Variants in SPOPL observed in about 807,000 individuals in gnomAD.
SPOPL encodes speckle-type POZ protein-like.
In SPOPL, 23 loss-of-function variants were observed where a neutral mutation model predicts 53.8. The ratio of observed to expected loss-of-function variants is 0.43; its 90% CI spans 0.31 to 0.61. The LOEUF (loss-of-function observed/expected upper bound fraction) is 0.61, where lower values mean the gene tolerates loss of function less well. SPOPL is among the 20% of genes least tolerant of loss of function. The pLI, the probability that SPOPL is intolerant of heterozygous loss-of-function variation, is 0.12. For missense variants in SPOPL, 442 were observed against 466.9 expected (o/e 0.95, Z 0.49); for synonymous variants, 164 against 149.7 (o/e 1.10, Z -0.70).
intron 5 of SPOPL, among the ~76,000 whole-genome samples, chr2:138,555,483 A>G (rs907975003): frequency 7.9e-5 from 12 of 152,112 alleles, no homozygotes; most frequent in Non-Finnish European, 1.5e-4. Context: ...AATGACACCA[A>G]TCTATGAAAA....
intron 5 of SPOPL, 22 bp from the exon 6 acceptor site, chr2:138,559,000 C>T: frequency 6.5e-7 from 1 of 1,542,928 alleles, no homozygotes. Context: ...AAGTGTTTTT[C>T]TTGCTGTCCC....
At chr2:138,526,421 A>G (rs1573878630) in intron 1 of SPOPL, among the ~76,000 whole-genome samples, 1 of 152,302 alleles carries the variant, frequency 6.6e-6, no homozygotes, top group East Asian at 1.9e-4. Context: ...TGTAAAAGGC[A>G]CACAAAATAA....
chr2:138,508,971 C>G (rs1193155570), intron 1 of SPOPL, among the ~76,000 whole-genome samples: 3 of 151,036 alleles, frequency 2.0e-5, no homozygotes, highest in Non-Finnish European at 2.9e-5. Flanking sequence ...ATTCTTTATA[C>G]CTGCTTATAT....
At chr2:138,541,386 G>C (rs1240189618) in intron 1 of SPOPL, among the ~76,000 whole-genome samples, 2 of 152,054 alleles carry the variant, frequency 1.3e-5, no homozygotes, top group Non-Finnish European at 2.9e-5. Flanking sequence ...ACTTTTTTTG[G>C]TTGGTAAGCT....
chr2:138,536,178 C>A (rs910769957), intron 1 of SPOPL, among the ~76,000 whole-genome samples: 4 of 152,092 alleles, frequency 2.6e-5, no homozygotes, highest in African/African-American at 9.7e-5. Flanking sequence ...GCATATGGGT[C>A]ATACTTTCTG....
At chr2:138,523,613 G>A (rs906783313) in intron 1 of SPOPL, among the ~76,000 whole-genome samples, 1 of 152,176 alleles carries the variant, frequency 6.6e-6, no homozygotes, top group Admixed American at 6.5e-5. Flanking sequence ...TAGATACAGT[G>A]GGGGTACAGG....
chr2:138,556,235 T>A lies in SPOPL; in HGVS notation c.481-2787T>A, dbSNP rs186993639. ...CAGTAATACAGATCTTCTGAATTGT[T>A]CTTGCTTATACAAAATACAAATATA... On this transcript the variant is annotated intron_variant, in intron 5 of 10. Coordinates refer to ENST00000280098, the MANE Select transcript of SPOPL (RefSeq NM_001001664.3). Among the ~76,000 whole-genome samples, 37 of 152,332 alleles carry A rather than the reference T, an allele frequency of 2.4e-4. 1 individual carries two copies. Among genetic ancestry groups the A allele is most frequent in the Admixed American group, 2.2e-3 (33 of 15,302 alleles).
chr2:138,570,333 G>C lies in SPOPL; in HGVS notation c.*1253G>C, dbSNP rs2104911351. The stretch of plus-strand genomic sequence containing the variant: ...GTTTCAGTTACTGTACTAACATTGT[G>C]GATGATACTGAAATTCTGCATAATG... On this transcript the variant is annotated 3_prime_UTR_variant, in exon 11 of 11. Coordinates refer to ENST00000280098, the MANE Select transcript of SPOPL (RefSeq NM_001001664.3). 1 of 152,206 alleles carries C rather than the reference G, an allele frequency of 6.6e-6. No homozygotes were observed. Among genetic ancestry groups the C allele is most frequent in the Non-Finnish European group, 1.5e-5 (1 of 67,996 alleles). 9.4% of individuals were successfully genotyped at this position (152,206 alleles called of 1,614,324 possible).
intron 1 of SPOPL, among the ~76,000 whole-genome samples, chr2:138,529,331 T>G (rs920905891): frequency 2.4e-4 from 37 of 152,186 alleles, no homozygotes; most frequent in African/African-American, 8.7e-4. Flanking sequence ...ACCCATCTCG[T>G]ATCATTTTTC....
At chr2:138,558,665 A>T (rs1685478517) in intron 5 of SPOPL, among the ~76,000 whole-genome samples, 1 of 152,100 alleles carries the variant, frequency 6.6e-6, no homozygotes, top group African/African-American at 2.4e-5. Flanking sequence ...GTGTAAGAAA[A>T]TAAAAAAAAT....
At chr2:138,544,710 G>A (rs139027551) in intron 1 of SPOPL, among the ~76,000 whole-genome samples, 1,644 of 152,242 alleles carry the variant, frequency 0.011, 34 homozygotes, top group African/African-American at 0.037. Flanking sequence ...GCTCTGCTTC[G>A]GCTCATGCTC....
chr2:138,503,575 A>G (rs879742387), intron 1 of SPOPL, among the ~76,000 whole-genome samples: 1 of 152,238 alleles, frequency 6.6e-6, no homozygotes, highest in East Asian at 1.9e-4. Context: ...GTTATTGTAT[A>G]AATTAATTCC....
chr2:138,502,662 C>T (rs1684131341), intron 1 of SPOPL, among the ~76,000 whole-genome samples: 3 of 152,162 alleles, frequency 2.0e-5, no homozygotes, highest in Admixed American at 6.5e-5. Context: ...ATGCCTTTAA[C>T]CTCTCTTTAA....
intron 1 of SPOPL, among the ~76,000 whole-genome samples, chr2:138,529,476 G>A (rs1019411636): frequency 6.7e-6 from 1 of 149,840 alleles, no homozygotes; most frequent in East Asian, 2.0e-4. Context: ...GTGTAGGTAT[G>A]TGTGTGTGTG....
At chr2:138,542,647 T>C (rs570990777) in intron 1 of SPOPL, among the ~76,000 whole-genome samples, 1 of 152,294 alleles carries the variant, frequency 6.6e-6, no homozygotes, top group Non-Finnish European at 1.5e-5. Flanking sequence ...GTGAGATGGG[T>C]TTCCTGAATA....
At chr2:138,517,657 G>A (rs1483125332) in intron 1 of SPOPL, among the ~76,000 whole-genome samples, 4 of 151,492 alleles carry the variant, frequency 2.6e-5, no homozygotes, top group East Asian at 2.0e-4. Flanking sequence ...GGAGAATGGC[G>A]TGAACCCAGG....
intron 1 of SPOPL, among the ~76,000 whole-genome samples, chr2:138,506,388 G>C (rs1413277089): frequency 6.6e-6 from 1 of 152,226 alleles, no homozygotes. Flanking sequence ...TTTTGGACCA[G>C]TGTCAGTGCA....
At chr2:138,509,109 G>A (rs974888000) in intron 1 of SPOPL, among the ~76,000 whole-genome samples, 2 of 151,998 alleles carry the variant, frequency 1.3e-5, no homozygotes, top group Non-Finnish European at 2.9e-5. Flanking sequence ...TGAAATTTTT[G>A]CACCTCAAAC....
At chr2:138,566,923 T>C (rs1449875251) in intron 10 of SPOPL, among the ~76,000 whole-genome samples, 3 of 152,104 alleles carry the variant, frequency 2.0e-5, no homozygotes, top group Non-Finnish European at 4.4e-5. Flanking sequence ...AAAACACAAA[T>C]AGGAGTTAGC....
Sources: gnomAD v4.1 joint callset for allele counts (sites outside exome capture counted in the v4.1 genomes callset) on GRCh38, gnomAD v4.1.1 for gene constraint, MANE v1.5 for transcripts, NCBI Gene and HGNC (gene_info 2026-07-23, HGNC 2026-07-21) for gene names.